Variants in LAMA1 observed in about 807,000 individuals in gnomAD.
LAMA1 encodes the protein laminin subunit alpha 1.
In LAMA1, 219 loss-of-function variants were observed where a neutral mutation model predicts 348.7. That is an observed-to-expected ratio of 0.63 (90% CI 0.56 to 0.70). The LOEUF is 0.70. LAMA1 is among the 30% of genes least tolerant of loss of function. LAMA1 has a pLI of 0.00. For missense variants in LAMA1, 3,744 were observed against 3,888.0 expected (o/e 0.96, Z 0.99); for synonymous variants, 1,487 against 1,491.0 (o/e 1.00, Z 0.06).
chr18:7,099,790 G>T (rs757986396), intron 1 of LAMA1, among the ~76,000 whole-genome samples: 2 of 151,928 alleles, frequency 1.3e-5, no homozygotes, highest in Non-Finnish European at 2.9e-5. Context: ...CAGGCACGGT[G>T]GTTCACACCT....
chr18:6,985,605 G>A lies in LAMA1; in HGVS notation c.5418C>T (p.Thr1806=). 3.7e-6 allele frequency: 6 copies of A among 1,614,022 alleles called. No individual in the cohort carries two copies. The East Asian group carries it at 1.3e-4, about 36-fold the overall frequency. The change falls in exon 38 of 63, where the codon ACC becomes ACT. Residue 1806 remains threonine, a synonymous_variant. Transcript: ENST00000389658. ...KLHVQEEQNL[T]SELIVQGRGL... is the part of the protein sequence containing the mutation. The stretch of plus-strand genomic sequence containing the variant: ...CTCTTCCTTGGACAATGAGCTCTGA[G>A]GTCAGATTTTGTTCTTCTTGAACAT...
In LAMA1 at chr18:6,959,365, G is replaced by C. The variant is rs556836309; in HGVS notation, c.7754C>G (p.Ser2585Cys). 1 of 1,614,134 alleles carries C rather than the reference G, an allele frequency of 6.2e-7. No homozygotes were observed. The highest frequency in any genetic ancestry group is 1.1e-5 in the South Asian group (1 of 91,072). The change falls in exon 54 of 63, where the codon TCC (serine) becomes TGC (cysteine). Residue 2585 changes from serine (S) to cysteine (C), a missense_variant. Physicochemically the swap from Ser to Cys is moderately radical, Grantham distance 112. Around this residue, in one of 3 missense-constraint regions of LAMA1, gnomAD observed 1,983 missense variants for 1,934.3 expected, o/e 1.03. Coordinates refer to ENST00000389658, the MANE Select transcript of LAMA1 (RefSeq NM_005559.4). ...CCTCCGATTCCTGACCAAGGAGATG[G>C]AATGCGCTTGTCCATCACTGCAGGT... ...TGTCSDGQAH[S>C]ISLVRNRRII...
chr18:7,020,984 C>A (rs529889142), intron 19 of LAMA1, among the ~76,000 whole-genome samples: 1 of 152,288 alleles, frequency 6.6e-6, no homozygotes, highest in South Asian at 2.1e-4. Flanking sequence ...GCACAGGAGA[C>A]CCTTCCGACG....
intron 8 of LAMA1, chr18:7,042,895 T>TA (rs137994290): frequency 3.3e-3 from 820 of 252,210 alleles, no homozygotes; most frequent in South Asian, 4.8e-3. Context: ...AAATAAAAAT[T>TA]AAAAAAAAAA....
Position 7,104,789 on chromosome 18 carries a change from C to T in LAMA1, c.61+12871G>A, listed in dbSNP as rs2058305488. ...TTTCTGGGCTCTTGGAAAACTGTTA[C>T]ATTACATGCTACATTGGACTTCATC... On this transcript the variant is annotated intron_variant, in intron 1 of 62. Coordinates refer to ENST00000389658, the MANE Select transcript of LAMA1 (RefSeq NM_005559.4). Among the ~76,000 whole-genome samples the T allele has an allele frequency of 2.6e-5, 4 of 152,230 alleles. No homozygotes were observed. In the South Asian group the frequency reaches 8.3e-4, roughly 32 times the overall value.
At chr18:7,100,014 G>A (rs113112234) in intron 1 of LAMA1, among the ~76,000 whole-genome samples, 95 of 132,774 alleles carry the variant, frequency 7.2e-4, no homozygotes, top group Middle Eastern at 5.7e-3. Context: ...AGCCGAGATC[G>A]CGCCACTGCA....
chr18:6,985,996 G>C, intron 37 of LAMA1, 141 bp downstream of exon 37: 1 of 861,366 alleles, frequency 1.2e-6, no homozygotes. Context: ...TTGACCTCAT[G>C]ATCTGCCTGC....
At chr18:7,011,188 A>C in intron 25 of LAMA1, 112 bp downstream of exon 25, 6 of 1,185,082 alleles carry the variant, frequency 5.1e-6, no homozygotes, top group Non-Finnish European at 7.3e-6. Context: ...TAAAAGAGGA[A>C]ATTAATAACT....
chr18:6,967,570 T>C (rs904280100), intron 48 of LAMA1, among the ~76,000 whole-genome samples: 2 of 152,164 alleles, frequency 1.3e-5, no homozygotes, highest in Non-Finnish European at 2.9e-5. Flanking sequence ...CCCCAGGCAG[T>C]TCTTAGAACA....
intron 1 of LAMA1, among the ~76,000 whole-genome samples, chr18:7,090,060 C>T (rs1003336410): frequency 1.3e-5 from 2 of 152,194 alleles, no homozygotes; most frequent in Admixed American, 6.5e-5. Context: ...GGCAATGGCA[C>T]CCTACAATAA....
intron 12 of LAMA1, 106 bp from the exon 13 acceptor site, chr18:7,036,194 A>T: frequency 1.3e-6 from 1 of 769,698 alleles, no homozygotes; most frequent in Non-Finnish European, 2.3e-6. Context: ...ACTAGGCTAC[A>T]ACTATCCCCT....
intron 19 of LAMA1, among the ~76,000 whole-genome samples, chr18:7,021,248 C>T (rs1412346393): frequency 2.0e-5 from 3 of 152,162 alleles, no homozygotes; most frequent in East Asian, 1.9e-4. Context: ...TCAAGTGCAA[C>T]CCCCGACAGT....
At chr18:6,952,940 T>G (rs1347065244) in intron 57 of LAMA1, among the ~76,000 whole-genome samples, 1 of 129,582 alleles carries the variant, frequency 7.7e-6, no homozygotes, top group Admixed American at 7.8e-5. Context: ...CTGTGTCCAG[T>G]GGATCCACAC....
Position 7,081,121 on chromosome 18 carries a change from A to G in LAMA1, c.62-664T>C, listed in dbSNP as rs960471337. Among the ~76,000 whole-genome samples, 12 of 152,230 alleles carry G rather than the reference A, an allele frequency of 7.9e-5. No homozygotes were observed. In the East Asian group the frequency reaches 1.9e-3, roughly 25 times the overall value. ...GCCGCTGTGGAGATTGTGCCACTGC[A>G]CTCCAGCCTGGACAATAGAGCGAGA... is the stretch of plus-strand genomic sequence containing the variant. On this transcript the variant is annotated intron_variant, in intron 1 of 62. Coordinates refer to ENST00000389658, the MANE Select transcript of LAMA1 (RefSeq NM_005559.4).
intron 10 of LAMA1, 139 bp downstream of exon 10, chr18:7,039,937 T>A: frequency 1.1e-6 from 1 of 952,118 alleles, no homozygotes; most frequent in Admixed American, 2.0e-5. Context: ...TCGGTGTGGC[T>A]TGGAGAGAAG....
chr18:6,960,859 C>T (rs2057603942), intron 53 of LAMA1, among the ~76,000 whole-genome samples: 1 of 151,912 alleles, frequency 6.6e-6, no homozygotes, highest in African/African-American at 2.4e-5. Flanking sequence ...TCTTCCTCAG[C>T]AAAATGTAGG....
At chr18:7,051,719 A>C (rs2058062962) in intron 3 of LAMA1, among the ~76,000 whole-genome samples, 1 of 152,188 alleles carries the variant, frequency 6.6e-6, no homozygotes, top group African/African-American at 2.4e-5. Flanking sequence ...AATTGAGAAA[A>C]AAGTCAGCCC....
chr18:6,991,955 C>T (rs529046701), intron 36 of LAMA1, among the ~76,000 whole-genome samples: 1 of 152,254 alleles, frequency 6.6e-6, no homozygotes, highest in Admixed American at 6.5e-5. Flanking sequence ...CTATTTATAA[C>T]AGCACTTCAG....
At chr18:6,963,062 A>AT (rs146895709) in intron 51 of LAMA1, among the ~76,000 whole-genome samples, 224 of 144,162 alleles carry the variant, frequency 1.6e-3, no homozygotes, top group Middle Eastern at 0.011. Context: ...GCCACACCTC[A>AT]TTTTTTTTTT....
Sources: gnomAD v4.1 joint callset for allele counts (sites outside exome capture counted in the v4.1 genomes callset) on GRCh38, gnomAD v4.1.1 for gene constraint, gnomAD v4.1.1 regional missense constraint, MANE v1.5 for transcripts, NCBI Gene and HGNC (gene_info 2026-07-23, HGNC 2026-07-21) for gene names.